Variants in MIER3 observed in about 807,000 individuals in gnomAD.
MIER3 encodes the protein mesoderm induction early response protein 3.
MIER3 carries 9 observed loss-of-function variants against 63.2 expected under a neutral mutation model. The ratio of observed to expected loss-of-function variants is 0.14; its 90% CI spans 0.09 to 0.25. The LOEUF (loss-of-function observed/expected upper bound fraction) is 0.25. Among genes scored for constraint, MIER3 ranks in the 10% least tolerant of loss-of-function variants. The probability of loss-of-function intolerance (pLI) is 1.00; values close to 1 mark genes in which losing one functional copy is unlikely to be tolerated. For synonymous variants in MIER3, 205 were observed against 224.9 expected (o/e 0.91, Z 0.79); for missense variants, 512 against 666.2 (o/e 0.77, Z 2.55).
At chr5:56,932,717 GCTC>G (rs1750312885) in intron 8 of MIER3, among the ~76,000 whole-genome samples, 1 of 152,088 alleles carries the variant, frequency 6.6e-6, no homozygotes, top group Non-Finnish European at 1.5e-5. Flanking sequence ...CTTAACAAAT[GCTC>G]CTAAGTCAAA....
chr5:56,928,991 TCA>T (rs3989923), intron 9 of MIER3, 130 bp from the exon 10 acceptor site: 54 of 454,456 alleles, frequency 1.2e-4, no homozygotes, highest in Admixed American at 2.4e-4. Context: ...ACTCTCTCTC[TCA>T]CACACACACA....
chr5:56,932,142 C>T (rs1467277181), intron 8 of MIER3, among the ~76,000 whole-genome samples: 1 of 152,042 alleles, frequency 6.6e-6, no homozygotes, highest in Non-Finnish European at 1.5e-5. Flanking sequence ...TGCCTCTAAT[C>T]CCAGTTACTC....
rs560147377 is a variant in MIER3, at chr5:56,922,324, G to A, written c.*804C>T. On this transcript the variant is annotated 3_prime_UTR_variant, in exon 13 of 13. Coordinates refer to ENST00000381199, the MANE Select transcript of MIER3 (RefSeq NM_001297599.2). ...CAATGGTGGACAAAACCCCATCTGA[G>A]TACCACATCTTCAAATGCCAAAACT... 26 of 152,550 alleles carry A rather than the reference G, an allele frequency of 1.7e-4. No homozygotes were observed. The highest frequency in any genetic ancestry group is 6.3e-4 in the African/African-American group (26 of 41,574). 9.4% of individuals were successfully genotyped at this position (152,550 alleles called of 1,614,324 possible).
At chr5:56,938,073 T>C (rs1284443816) in intron 4 of MIER3, among the ~76,000 whole-genome samples, 1 of 152,144 alleles carries the variant, frequency 6.6e-6, no homozygotes, top group Non-Finnish European at 1.5e-5. Flanking sequence ...GCCTCCAACC[T>C]CCACTCTTCC....
At chr5:56,933,188 A>AT (rs1463265436) in intron 8 of MIER3, 59 bp downstream of exon 8, 3 of 1,458,286 alleles carry the variant, frequency 2.1e-6, no homozygotes, top group Non-Finnish European at 2.7e-6. Flanking sequence ...TGTATCAAAT[A>AT]TAAGAAATCA....
At chr5:56,951,941 G>C (rs1213646125) in intron 1 of MIER3, among the ~76,000 whole-genome samples, 153 bp downstream of exon 1, 2 of 148,548 alleles carry the variant, frequency 1.3e-5, no homozygotes, top group Non-Finnish European at 3.0e-5. Flanking sequence ...GCCCCGCCAC[G>C]GCCAGTCGCC....
chr5:56,939,914 G>T (rs1442855836), intron 3 of MIER3, among the ~76,000 whole-genome samples: 1 of 152,162 alleles, frequency 6.6e-6, no homozygotes, highest in Non-Finnish European at 1.5e-5. Flanking sequence ...AACTACTTTT[G>T]TCTAAGCATA....
At chr5:56,929,213 GA>G (rs890187746) in intron 9 of MIER3, 13 of 160,840 alleles carry the variant, frequency 8.1e-5, no homozygotes, top group African/African-American at 1.4e-4. Flanking sequence ...TTTTCAATTA[GA>G]AAAAAAAACT....
Position 56,937,580 on chromosome 5 carries a change from C to G in MIER3, c.434G>C (p.Arg145Pro), listed in dbSNP as rs746902112. 1.9e-6 allele frequency: 3 copies of G among 1,601,872 alleles called. No individual in the cohort carries two copies. The highest frequency in any genetic ancestry group is 2.7e-5 in the African/African-American group (2 of 74,458). The change falls in exon 5 of 13, where the codon CGA (arginine) becomes CCA (proline). Residue 145 changes from arginine (R) to proline (P), a missense_variant and splice_region_variant. By Grantham distance (103) the Arg-to-Pro change is moderately radical (BLOSUM62 -2). Coordinates refer to ENST00000381199, the MANE Select transcript of MIER3 (RefSeq NM_001297599.2). ...ETSDFFPRPL[R>P]SNTACDGDKE... ...CAGTAATCCACTGGGTTTCTTACATCGTAAAGGCCTAGGGAAGAAATCAGA... is the reference window on the plus strand; with the variant it reads ...CAGTAATCCACTGGGTTTCTTACATGGTAAAGGCCTAGGGAAGAAATCAGA...
intron 5 of MIER3, among the ~76,000 whole-genome samples, chr5:56,936,428 T>C (rs1038928772): frequency 1.4e-4 from 22 of 152,124 alleles, no homozygotes; most frequent in African/African-American, 5.3e-4. Context: ...TTTGAACTTA[T>C]TGACCAAACA....
intron 3 of MIER3, among the ~76,000 whole-genome samples, 183 bp downstream of exon 3, chr5:56,946,738 ATTAAG>A (rs556914560): frequency 1.4e-3 from 218 of 152,218 alleles, no homozygotes; most frequent in African/African-American, 4.7e-3. Flanking sequence ...AAGCTTAAAA[ATTAAG>A]TTAACAGATA....
intron 2 of MIER3, among the ~76,000 whole-genome samples, chr5:56,948,202 C>A (rs1419994665): frequency 1.3e-5 from 2 of 152,190 alleles, no homozygotes; most frequent in African/African-American, 4.8e-5. Context: ...AAAAACCACA[C>A]ACATAATTCA....
At chr5:56,928,899 A>G (rs1259360272) in intron 9 of MIER3, 38 bp from the exon 10 acceptor site, 1 of 1,478,102 alleles carries the variant, frequency 6.8e-7, no homozygotes, top group Non-Finnish European at 9.4e-7. Context: ...TGGGCCCCCA[A>G]ATTTTCTTAT....
rs1749593306 is a variant in MIER3, at chr5:56,920,007, C to A, written c.*3121G>T. The A allele has an allele frequency of 6.6e-6, 1 of 152,514 alleles. No individual in the cohort carries two copies. The highest frequency in any genetic ancestry group is 6.5e-5 in the Admixed American group (1 of 15,272). 9.4% of individuals were successfully genotyped at this position (152,514 alleles called of 1,614,324 possible). A position where few individuals can be genotyped will look rare whatever the true frequency, so the allele number is the denominator to read the frequency against. On this transcript the variant is annotated 3_prime_UTR_variant, in exon 13 of 13. Coordinates refer to ENST00000381199, the MANE Select transcript of MIER3 (RefSeq NM_001297599.2). ...CTGGGCAAACAATCTCCTTGGTGGT[C>A]AGGTTTATTTGTTAGTTTACATTCA...
In MIER3 at chr5:56,952,094, C is replaced by A; in HGVS notation, c.9G>T (p.Glu3Asp). 7.6e-7 allele frequency: 1 copy of A among 1,307,618 alleles called. No individual in the cohort carries two copies. Among genetic ancestry groups the A allele is most frequent in the Non-Finnish European group, 9.9e-7 (1 of 1,010,324 alleles). 81.0% of individuals were successfully genotyped at this position (1,307,618 alleles called of 1,614,324 possible). A position where few individuals can be genotyped will look rare whatever the true frequency, so the allele number is the denominator to read the frequency against. Residue 3 changes from glutamate (E) to aspartate (D), a missense_variant and splice_region_variant, in exon 1 of 13, where the codon GAG becomes GAT. Physicochemically the swap from Glu to Asp is conservative, Grantham distance 45. Coordinates refer to ENST00000381199, the MANE Select transcript of MIER3 (RefSeq NM_001297599.2). ...GCTCCTGCCCGGTTTCCCTGCTCAC[C>A]TCCGCCATATTGGTACCTTTAGGGC... MAEASFGSSSPVG... is the reference protein window; with the variant it reads MADASFGSSSPVG...
At chr5:56,924,856 CTGAG>C (rs1035351132) in intron 10 of MIER3, among the ~76,000 whole-genome samples, 12 of 152,348 alleles carry the variant, frequency 7.9e-5, no homozygotes, top group African/African-American at 1.4e-4. Flanking sequence ...AACCTGACTC[CTGAG>C]TAAGTTGTGA....
chr5:56,938,990 G>C lies in MIER3; in HGVS notation c.208C>G (p.Leu70Val). The change falls in exon 4 of 13, where the codon CTG becomes GTG. Residue 70 changes from leucine (L) to valine (V), a missense_variant. Leu to Val is a conservative substitution (Grantham distance 32). This residue lies in a region of MIER3 where 98 missense variants were observed against 107.4 expected (regional missense o/e 0.91). Coordinates refer to ENST00000381199, the MANE Select transcript of MIER3 (RefSeq NM_001297599.2). Reference protein sequence around the residue: ...KEGTMPLEDLLAFYGYEPTIP... With the variant: ...KEGTMPLEDLVAFYGYEPTIP... ...GTAGGTTCATAGCCATAGAATGCCA[G>C]TAAATCTTCTAGAGGCATGGTTCCT... is the stretch of plus-strand genomic sequence containing the variant. The C allele has an allele frequency of 6.2e-7, 1 of 1,614,152 alleles. No homozygotes were observed. The highest frequency in any genetic ancestry group is 8.5e-7 in the Non-Finnish European group (1 of 1,180,006).
Position 56,921,084 on chromosome 5 carries a change from T to G in MIER3, c.*2044A>C. On this transcript the variant is annotated 3_prime_UTR_variant, in exon 13 of 13. Coordinates refer to ENST00000381199, the MANE Select transcript of MIER3 (RefSeq NM_001297599.2). Reference sequence around the variant, plus strand: ...CTTATATCAAGACCCCAGCAATGCATAGATAAACTGAATATATTACTGCAT... The same window carrying G: ...CTTATATCAAGACCCCAGCAATGCAGAGATAAACTGAATATATTACTGCAT... 6.6e-6 allele frequency: 1 copy of G among 152,576 alleles called. No homozygotes were observed. Among genetic ancestry groups the G allele is most frequent in the East Asian group, 1.9e-4 (1 of 5,198 alleles). 9.5% of individuals were successfully genotyped at this position (152,576 alleles called of 1,614,324 possible). A position where few individuals can be genotyped will look rare whatever the true frequency, so the allele number is the denominator to read the frequency against.
chr5:56,952,097 CG>C lies in MIER3; in HGVS notation c.5del (p.Ala2GlyfsTer43). The C allele has an allele frequency of 7.6e-7, 1 of 1,307,984 alleles. No individual in the cohort carries two copies. The highest frequency in any genetic ancestry group is 3.0e-5 in the Admixed American group (1 of 33,372). The allele number at this position is 1,307,984 out of a possible 1,614,324, so 81.0% of individuals were successfully genotyped here. A position where few individuals can be genotyped will look rare whatever the true frequency, so the allele number is the denominator to read the frequency against. On this transcript the variant is annotated frameshift_variant, in exon 1 of 13. Coordinates refer to ENST00000381199, the MANE Select transcript of MIER3 (RefSeq NM_001297599.2). LOFTEE classifies it high-confidence loss of function. ...CCTGCCCGGTTTCCCTGCTCACCTC[CG>C]CCATATTGGTACCTTTAGGGCGAAC... is the stretch of plus-strand genomic sequence containing the variant. Reference protein sequence around the residue: MAEASFGSSSPV... With the variant: MXEASFGSSSPV...
Sources: gnomAD v4.1 joint callset for allele counts (sites outside exome capture counted in the v4.1 genomes callset) on GRCh38, gnomAD v4.1.1 for gene constraint, gnomAD v4.1.1 regional missense constraint, MANE v1.5 for transcripts, NCBI Gene and HGNC (gene_info 2026-07-23, HGNC 2026-07-21) for gene names.